CDH13: variants seen among roughly 807,000 people sequenced by gnomAD.
CDH13 encodes the protein cadherin 13, also known as cadherin-13.
In CDH13, 24 loss-of-function variants were observed where a neutral mutation model predicts 63.8. The ratio of observed to expected loss-of-function variants is 0.38; its 90% confidence interval spans 0.27 to 0.53. The LOEUF (loss-of-function observed/expected upper bound fraction) is 0.53. Ranked by LOEUF, CDH13 falls within the 20% of genes least tolerant of loss-of-function variation. CDH13 has a pLI of 0.85. For missense variants in CDH13, 1,049 were observed against 903.1 expected (o/e 1.16, Z -2.07); for synonymous variants, 503 against 355.3 (o/e 1.42, Z -4.67).
At chr16:83,674,791 C>T (rs1914816112) in intron 9 of CDH13, among the ~76,000 whole-genome samples, 2 of 152,244 alleles carry the variant, frequency 1.3e-5, no homozygotes, top group Non-Finnish European at 2.9e-5. Flanking sequence ...CCCTTAGCTG[C>T]TTTCTAAACC....
chr16:83,390,316 C>T (rs2091761604), intron 6 of CDH13, among the ~76,000 whole-genome samples: 1 of 152,114 alleles, frequency 6.6e-6, no homozygotes, highest in Non-Finnish European at 1.5e-5. Context: ...CAGCATGCAG[C>T]ATCACTGAAC....
rs568496597 is a variant in CDH13, at chr16:83,760,567, A to C, written c.1681+12317A>C. On this transcript the variant is annotated intron_variant, in intron 11 of 13. Coordinates refer to ENST00000567109, the MANE Select transcript of CDH13 (RefSeq NM_001257.5). ...GGTGAATCTCACAAACATAGTGTGC[A>C]GCAAAAGAAGGCTGAAACAAGAACA... 6.6e-5 allele frequency among the ~76,000 whole-genome samples: 10 copies of C among 152,366 alleles called. No homozygotes were observed. In the South Asian group the frequency reaches 1.2e-3, roughly 19 times the overall value.
At chr16:82,661,040 G>C (rs1462882105) in intron 1 of CDH13, among the ~76,000 whole-genome samples, 2 of 152,194 alleles carry the variant, frequency 1.3e-5, no homozygotes, top group African/African-American at 4.8e-5. Context: ...TTCAAAGTGG[G>C]TCAGGTCTCC....
chr16:83,744,224 CGT>C (rs1567567036), intron 10 of CDH13, among the ~76,000 whole-genome samples: 1 of 152,114 alleles, frequency 6.6e-6, no homozygotes. Flanking sequence ...CGTCAGGGCC[CGT>C]GTTAGGCTCC....
intron 6 of CDH13, among the ~76,000 whole-genome samples, chr16:83,413,917 G>C (rs2092163186): frequency 6.6e-6 from 1 of 152,084 alleles, no homozygotes. Flanking sequence ...GCTTGAACCT[G>C]GGAGGTGCAG....
At chr16:83,716,208 A>G (rs1044784720) in intron 10 of CDH13, among the ~76,000 whole-genome samples, 2 of 151,924 alleles carry the variant, frequency 1.3e-5, no homozygotes, top group Non-Finnish European at 2.9e-5. Flanking sequence ...AGCCTCCCCC[A>G]TAATCAATAT....
At chr16:83,758,168 AG>A (rs1340843115) in intron 11 of CDH13, among the ~76,000 whole-genome samples, 1 of 152,196 alleles carries the variant, frequency 6.6e-6, no homozygotes, top group Non-Finnish European at 1.5e-5. Flanking sequence ...TATTTAAGAA[AG>A]AAAAACAATT....
intron 1 of CDH13, among the ~76,000 whole-genome samples, chr16:82,750,045 C>T (rs1416583110): frequency 6.6e-6 from 1 of 152,076 alleles, no homozygotes; most frequent in East Asian, 1.9e-4. Context: ...CCTTTAAAGT[C>T]AACAGTCCAT....
chr16:83,651,029 A>C (rs1912324873), intron 8 of CDH13, among the ~76,000 whole-genome samples: 1 of 151,948 alleles, frequency 6.6e-6, no homozygotes, highest in Admixed American at 6.6e-5. Flanking sequence ...TGAGCCCGGG[A>C]GGTCAAGGCT....
At position 83,336,312 on chromosome 16, in the gene CDH13, A is replaced by AAAAG. The variant is rs1555531898; in HGVS notation, c.637-8547_637-8546insGAAA. On this transcript the variant is annotated intron_variant, in intron 5 of 13. Coordinates refer to ENST00000567109, the MANE Select transcript of CDH13 (RefSeq NM_001257.5). ...CAAGACTCCATCTCAAAAAAAAAAA[A>AAAAG]AAAAAAGAAATTTGGAATGAAAGCA... 4.4e-4 allele frequency among the ~76,000 whole-genome samples: 64 copies of AAAAG among 143,852 alleles called. 3 individuals are homozygous for AAAAG. Among genetic ancestry groups the AAAAG allele is most frequent in the East Asian group, 1.6e-3 (8 of 4,892 alleles). The allele number at this position is 143,852 out of a possible 152,430, so 94.4% of individuals were successfully genotyped here.
At chr16:82,793,053 T>A (rs1302063277) in intron 1 of CDH13, among the ~76,000 whole-genome samples, 1 of 152,056 alleles carries the variant, frequency 6.6e-6, no homozygotes, top group Non-Finnish European at 1.5e-5. Context: ...CCTGATGGAG[T>A]TATTCACAGA....
intron 2 of CDH13, among the ~76,000 whole-genome samples, chr16:82,891,898 C>T (rs888537845): frequency 5.9e-5 from 9 of 152,150 alleles, no homozygotes; most frequent in East Asian, 1.9e-4. Flanking sequence ...CTGCTGGTCA[C>T]GTGTCCCTTA....
chr16:82,930,377 C>T (rs1356446418), intron 2 of CDH13, among the ~76,000 whole-genome samples: 1 of 152,154 alleles, frequency 6.6e-6, no homozygotes, highest in Non-Finnish European at 1.5e-5. Flanking sequence ...TAACATTTAA[C>T]AGAGATGCAC....
chr16:82,996,362 G>C (rs1305920131), intron 2 of CDH13, among the ~76,000 whole-genome samples: 1 of 152,172 alleles, frequency 6.6e-6, no homozygotes, highest in Non-Finnish European at 1.5e-5. Context: ...TATGACTACA[G>C]AAATGTCAGC....
chr16:83,308,642 A>C (rs2089933079), intron 5 of CDH13, among the ~76,000 whole-genome samples: 1 of 152,240 alleles, frequency 6.6e-6, no homozygotes, highest in African/African-American at 2.4e-5. Flanking sequence ...CCATGGAAAG[A>C]ACCTTTCCTA....
intron 6 of CDH13, chr16:83,398,205 T>C (rs1322967547): frequency 1.3e-5 from 2 of 148,186 alleles, no homozygotes; most frequent in Non-Finnish European, 3.0e-5. Flanking sequence ...GTAATGTTGA[T>C]GTTTAAAGCA....
rs571678698 is a variant in CDH13 at position 83,281,631 on chromosome 16, C to T, written c.637-63231C>T. Among the ~76,000 whole-genome samples, 51 of 152,104 alleles carry T rather than the reference C, an allele frequency of 3.4e-4. 1 individual carries two copies. Among genetic ancestry groups the T allele is most frequent in the African/African-American group, 1.1e-3 (47 of 41,470 alleles). On this transcript the variant is annotated intron_variant, in intron 5 of 13. Coordinates refer to ENST00000567109, the MANE Select transcript of CDH13 (RefSeq NM_001257.5). ...CGTCATTAAGCTTAATCAGTCTAGG[C>T]TGAGTGGTGGCTGACACCTGTAATC...
chr16:83,365,230 C>G (rs1416347933), intron 6 of CDH13, among the ~76,000 whole-genome samples: 4 of 152,174 alleles, frequency 2.6e-5, no homozygotes, highest in Non-Finnish European at 4.4e-5. Flanking sequence ...TAAACGCCAG[C>G]AGGAAGGGCC....
intron 5 of CDH13, among the ~76,000 whole-genome samples, chr16:83,223,904 G>T (rs1290885845): frequency 6.6e-6 from 1 of 152,110 alleles, no homozygotes; most frequent in Non-Finnish European, 1.5e-5. Flanking sequence ...GTTCTTTAGT[G>T]GTGGTTTGTA....
Sources: gnomAD v4.1 joint callset for allele counts (sites outside exome capture counted in the v4.1 genomes callset) on GRCh38, gnomAD v4.1.1 for gene constraint, MANE v1.5 for transcripts, NCBI Gene and HGNC (gene_info 2026-07-23, HGNC 2026-07-21) for gene names.